DGKI: variants seen among roughly 807,000 people sequenced by gnomAD.
The protein encoded by DGKI is DAG kinase iota.
DGKI carries 55 observed loss-of-function variants against 147.5 expected under a neutral mutation model. That is an observed-to-expected ratio of 0.37 (90% CI 0.30 to 0.47). DGKI has a LOEUF of 0.47. Among genes scored for constraint, DGKI ranks in the 20% least tolerant of loss-of-function variants. The pLI is 1.00. For synonymous variants in DGKI, 469 were observed against 477.1 expected (o/e 0.98, Z 0.22); for missense variants, 1,007 against 1,323.8 (o/e 0.76, Z 3.71).
rs1342382637 is a variant in DGKI at position 137,472,363 on chromosome 7, C to T, written c.2374-2744G>A. Reference sequence around the variant, plus strand: ...CATATAATTATTATATGTATATATACATATAATTATTATATGTATATATAC... The same window carrying T: ...CATATAATTATTATATGTATATATATATATAATTATTATATGTATATATAC... On this transcript the variant is annotated intron_variant, in intron 23 of 32. Transcript: ENST00000614521. 3.1e-4 allele frequency among the ~76,000 whole-genome samples: 23 copies of T among 73,026 alleles called. 4 individuals carry two copies. Among genetic ancestry groups the T allele is most frequent in the African/African-American group, 1.5e-3 (23 of 15,392 alleles). The allele number at this position is 73,026 out of a possible 152,430, so 47.9% of individuals were successfully genotyped here.
chr7:137,420,671 T>C (rs557538372), intron 28 of DGKI, among the ~76,000 whole-genome samples: 344 of 152,204 alleles, frequency 2.3e-3, no homozygotes, highest in African/African-American at 7.8e-3. Context: ...TGGGTGCTTG[T>C]TAGATTGAAT....
chr7:137,806,237 G>A lies in DGKI; in HGVS notation c.401+40225C>T, dbSNP rs138061513. On this transcript the variant is annotated intron_variant, in intron 1 of 32. Coordinates refer to ENST00000614521, the MANE Select transcript of DGKI (RefSeq NM_001321708.2). ...AAATGCTGAATGACTTGCAACTTGC[G>A]TTGCATCTAAATCAGGTGTTGTTAT... Among the ~76,000 whole-genome samples, 18 of 152,314 alleles carry A rather than the reference G, an allele frequency of 1.2e-4. 1 individual carries two copies. The South Asian group carries it at 3.1e-3, about 26-fold the overall frequency.
intron 10 of DGKI, among the ~76,000 whole-genome samples, chr7:137,600,117 C>A (rs2128989389): frequency 6.6e-6 from 1 of 152,220 alleles, no homozygotes; most frequent in South Asian, 2.1e-4. Flanking sequence ...AATCCCGTCT[C>A]TACAAAAAAT....
At chr7:137,588,698 A>C (rs980455118) in intron 12 of DGKI, among the ~76,000 whole-genome samples, 1 of 152,008 alleles carries the variant, frequency 6.6e-6, no homozygotes, top group East Asian at 1.9e-4. Flanking sequence ...GGATGGTCTC[A>C]ATCTCCTGAC....
chr7:137,777,943 A>G (rs1189098579), intron 1 of DGKI, among the ~76,000 whole-genome samples: 1 of 152,204 alleles, frequency 6.6e-6, no homozygotes, highest in Admixed American at 6.5e-5. Flanking sequence ...TCATGTGGCT[A>G]TTCAGTCCGT....
chr7:137,681,500 TAA>T (rs1823234765), intron 2 of DGKI, among the ~76,000 whole-genome samples: 1 of 152,250 alleles, frequency 6.6e-6, no homozygotes, highest in South Asian at 2.1e-4. Flanking sequence ...TCTCCAACTC[TAA>T]GTTATAACCA....
At chr7:137,554,750 C>A (rs1048091405) in intron 19 of DGKI, among the ~76,000 whole-genome samples, 1 of 151,858 alleles carries the variant, frequency 6.6e-6, no homozygotes, top group East Asian at 1.9e-4. Flanking sequence ...CTCACCGCCA[C>A]TATCAGCCCC....
chr7:137,795,893 C>T (rs1270600700), intron 1 of DGKI, among the ~76,000 whole-genome samples: 1 of 152,158 alleles, frequency 6.6e-6, no homozygotes, highest in Non-Finnish European at 1.5e-5. Flanking sequence ...GCTAACCAAG[C>T]AGAGATTTTA....
intron 6 of DGKI, among the ~76,000 whole-genome samples, chr7:137,638,476 G>GTA (rs1406683084): frequency 2.7e-5 from 3 of 109,288 alleles, no homozygotes; most frequent in African/African-American, 9.4e-5. Flanking sequence ...GTATATATGT[G>GTA]TGTATATATA....
chr7:137,526,815 G>A (rs1048503934), intron 20 of DGKI, among the ~76,000 whole-genome samples: 5 of 151,966 alleles, frequency 3.3e-5, no homozygotes, highest in African/African-American at 9.7e-5. Flanking sequence ...GCCCTCAAAC[G>A]TCTTCCTCCT....
At chr7:137,678,453 A>T (rs1585361433) in intron 3 of DGKI, 104 bp downstream of exon 3, 1 of 1,072,264 alleles carries the variant, frequency 9.3e-7, no homozygotes, top group East Asian at 2.4e-5. Flanking sequence ...CCATCTCACA[A>T]GGACAGGCTC....
At chr7:137,767,073 G>A (rs997320815) in intron 1 of DGKI, among the ~76,000 whole-genome samples, 1 of 152,092 alleles carries the variant, frequency 6.6e-6, no homozygotes, top group Admixed American at 6.5e-5. Context: ...CCTTATTCAT[G>A]TCTGTGACCT....
intron 6 of DGKI, among the ~76,000 whole-genome samples, chr7:137,640,058 G>A (rs1821569090): frequency 6.6e-6 from 1 of 151,548 alleles, no homozygotes; most frequent in South Asian, 2.1e-4. Context: ...ACCCTCTCAG[G>A]AAATTTTGAA....
intron 24 of DGKI, among the ~76,000 whole-genome samples, chr7:137,467,475 G>A (rs1461863350): frequency 6.6e-6 from 1 of 152,152 alleles, no homozygotes; most frequent in Non-Finnish European, 1.5e-5. Flanking sequence ...ACTTCTCAGT[G>A]AAGTGACTTC....
At chr7:137,544,587 G>A (rs1391238582) in intron 20 of DGKI, among the ~76,000 whole-genome samples, 11 of 152,090 alleles carry the variant, frequency 7.2e-5, no homozygotes, top group Admixed American at 7.2e-4. Flanking sequence ...AGAGTTGAAA[G>A]TAGATTATAT....
chr7:137,806,959 C>A (rs1317661057), intron 1 of DGKI, among the ~76,000 whole-genome samples: 1 of 152,170 alleles, frequency 6.6e-6, no homozygotes, highest in African/African-American at 2.4e-5. Context: ...CAGGGCCATC[C>A]AGGTAATTGC....
At position 137,796,169 on chromosome 7, in the gene DGKI, A is replaced by G. The variant is rs1797020556; in HGVS notation, c.401+50293T>C. On this transcript the variant is annotated intron_variant, in intron 1 of 32. Transcript: ENST00000614521. ...CAGCCAACAGAAACTGCCTCTGAGA[A>G]AGCCTAGATATTGGGGTTACACAAA... is the stretch of plus-strand genomic sequence containing the variant. 2.0e-5 allele frequency among the ~76,000 whole-genome samples: 3 copies of G among 152,190 alleles called. No individual in the cohort carries two copies. The South Asian group carries it at 6.2e-4, about 32-fold the overall frequency.
At chr7:137,768,278 T>G (rs1476555838) in intron 1 of DGKI, among the ~76,000 whole-genome samples, 2 of 152,246 alleles carry the variant, frequency 1.3e-5, no homozygotes, top group Middle Eastern at 3.4e-3. Context: ...AGTATAAACA[T>G]AGTATTTAGA....
intron 19 of DGKI, among the ~76,000 whole-genome samples, chr7:137,558,453 T>C (rs1250969113): frequency 6.6e-6 from 1 of 152,172 alleles, no homozygotes; most frequent in Non-Finnish European, 1.5e-5. Flanking sequence ...TCGTTTTGTA[T>C]TTTTAGTAGA....
Sources: allele counts gnomAD v4.1 joint callset (sites outside exome capture counted in the v4.1 genomes callset), GRCh38; gene constraint gnomAD v4.1.1; transcripts MANE v1.5; gene names NCBI Gene and HGNC (gene_info 2026-07-23, HGNC 2026-07-21).